Variants in GBP3 observed in about 807,000 individuals in gnomAD.
GBP3 encodes the protein guanylate-binding protein 3.
A neutral mutation model predicts 62.4 loss-of-function variants in GBP3; 55 were observed. The observed-to-expected ratio is 0.88, with a 90% confidence interval of 0.71 to 1.10. GBP3 has a LOEUF of 1.10. Among genes scored for constraint, GBP3 ranks in the 50% least tolerant of loss-of-function variants. The pLI is 0.00. For synonymous variants in GBP3, 208 were observed against 259.2 expected (o/e 0.80, Z 1.90); for missense variants, 605 against 690.6 (o/e 0.88, Z 1.39).
chr1:89,013,935 T>C (rs1678729686), intron 5 of GBP3, 148 bp downstream of exon 5: 4 of 807,938 alleles, frequency 5.0e-6, no homozygotes, highest in Non-Finnish European at 5.7e-6. Flanking sequence ...AAACCTTTTC[T>C]ATTGCTAATA....
In GBP3 at chr1:89,013,273, A is replaced by T; in HGVS notation, c.780T>A (p.Phe260Leu). 6.2e-7 allele frequency: 1 copy of T among 1,614,182 alleles called. No homozygotes were observed. The highest frequency in any genetic ancestry group is 1.1e-5 in the South Asian group (1 of 91,084). Residue 260 changes from phenylalanine to leucine, a missense_variant, in exon 6 of 11, where the codon TTT (phenylalanine) becomes TTA (leucine). By Grantham distance (22) the Phe-to-Leu change is conservative. Around this residue, in one of 3 missense-constraint regions of GBP3, gnomAD observed 308 missense variants for 318.0 expected, o/e 0.97. Transcript: ENST00000370481. The stretch of plus-strand genomic sequence containing the variant: ...AACAGAAGTCTGCTACTTGTTGCAC[A>T]AATTCAGGGTCCAGCTCTTCATCTT... ...KLQDEELDPE[F>L]VQQVADFCSY... is the part of the protein sequence containing the mutation.
intron 1 of GBP3, among the ~76,000 whole-genome samples, chr1:89,022,053 A>T (rs199741137): frequency 1.8e-4 from 3 of 16,448 alleles, no homozygotes; most frequent in Admixed American, 4.2e-4. Flanking sequence ...TCTCTCTCTC[A>T]AAAAAAAAAA....
chr1:89,013,890 C>A, intron 5 of GBP3, 193 bp downstream of exon 5: 1 of 565,008 alleles, frequency 1.8e-6, no homozygotes, highest in South Asian at 2.6e-5. Flanking sequence ...TTTAGATATT[C>A]AGCAAGCATT....
intron 8 of GBP3, 124 bp from the exon 9 acceptor site, chr1:89,009,618 A>G: frequency 2.2e-6 from 3 of 1,369,830 alleles, no homozygotes; most frequent in Non-Finnish European, 3.0e-6. Context: ...CCTGGTGGTC[A>G]AGATTCCCTA....
Position 89,007,553 on chromosome 1 carries a change from A to G in GBP3, c.*171T>C, listed in dbSNP as rs1678286098. On this transcript the variant is annotated 3_prime_UTR_variant, in exon 11 of 11. Coordinates refer to ENST00000370481, the MANE Select transcript of GBP3 (RefSeq NM_018284.3). ...TAAATGCATCTTTGTTGCACAATTT[A>G]CAATCTTTTTAAGGAAAAAACATGA... 1 of 663,850 alleles carries G rather than the reference A, an allele frequency of 1.5e-6. No homozygotes were observed. Among genetic ancestry groups the G allele is most frequent in the African/African-American group, 1.8e-5 (1 of 55,102 alleles). 41.1% of individuals were successfully genotyped at this position (663,850 alleles called of 1,614,324 possible). A position where few individuals can be genotyped will look rare whatever the true frequency, so the allele number is the denominator to read the frequency against.
chr1:89,015,368 C>G lies in GBP3; in HGVS notation c.237G>C (p.Trp79Cys), dbSNP rs542828629. 2 of 1,613,406 alleles carry G rather than the reference C, an allele frequency of 1.2e-6. No individual in the cohort carries two copies. Among genetic ancestry groups the G allele is most frequent in the East Asian group, 4.5e-5 (2 of 44,840 alleles). ...TTTTGGGGTGAGGCACACACCACAT[C>G]CAGATTCCTTTGGTGTGAGATTTCA... ...STVKSHTKGI[W>C]MWCVPHPKKP... The change falls in exon 3 of 11, where the codon TGG (tryptophan) becomes TGC (cysteine). Residue 79 changes from tryptophan (W) to cysteine (C), a missense_variant. Trp to Cys is a radical substitution (Grantham distance 215). Coordinates refer to ENST00000370481, the MANE Select transcript of GBP3 (RefSeq NM_018284.3).
Position 89,016,972 on chromosome 1 carries a change from A to G in GBP3, c.191-1558T>C, listed in dbSNP as rs58310973. On this transcript the variant is annotated intron_variant, in intron 2 of 10. Transcript: ENST00000370481. Reference sequence around the variant, plus strand: ...CAATGCAATCCCTATCAAAATTCCAATGATTTTTTTATAAATAAAAACATC... The same window carrying G: ...CAATGCAATCCCTATCAAAATTCCAGTGATTTTTTTATAAATAAAAACATC... Among the ~76,000 whole-genome samples the G allele has an allele frequency of 5.6e-3, 853 of 152,290 alleles. 5 individuals carry two copies. The highest frequency in any genetic ancestry group is 0.02 in the African/African-American group (825 of 41,552).
chr1:89,008,862 T>G, intron 10 of GBP3, 85 bp downstream of exon 10: 1 of 1,596,892 alleles, frequency 6.3e-7, no homozygotes, highest in Non-Finnish European at 8.5e-7. Context: ...CTGGGCTTTA[T>G]GTTCGCTCTG....
Position 89,020,610 on chromosome 1 carries a change from CA to C in GBP3, c.111del (p.Val38TrpfsTer17). On this transcript the variant is annotated frameshift_variant, in exon 2 of 11. Transcript: ENST00000370481. LOFTEE classifies it high-confidence loss of function. Reference protein sequence around the residue: ...ALKILSAITQPVVVVAIVGLY... With the variant: ...ALKILSAITQXVVVVAIVGLY... ...AGGCCCACAATTGCCACCACCACCA[CA>C]GGCTGTGTAATGGCAGACAGGATTT... The C allele has an allele frequency of 6.2e-7, 1 of 1,614,188 alleles. No individual in the cohort carries two copies. Among genetic ancestry groups the C allele is most frequent in the Non-Finnish European group, 8.5e-7 (1 of 1,180,030 alleles).
chr1:89,022,054 A>C (rs1463192921), intron 1 of GBP3, among the ~76,000 whole-genome samples: 3 of 25,314 alleles, frequency 1.2e-4, no homozygotes, highest in Admixed American at 3.7e-4. Context: ...CTCTCTCTCA[A>C]AAAAAAAAAA....
chr1:89,014,618 G>A lies in GBP3; in HGVS notation c.357C>T (p.Ala119=), dbSNP rs1341030046. The change falls in exon 4 of 11, where the codon GCC becomes GCT. Residue 119 remains alanine, a synonymous_variant. Transcript: ENST00000370481. ...NQNDSWIFTL[A]VLLSSTLVYN... Reference sequence around the variant, plus strand: ...ACACGAGAGTGCTGCTCAGGAGGACGGCCAGGGTGAAGATCCAGGAGTCAT... The same window carrying A: ...ACACGAGAGTGCTGCTCAGGAGGACAGCCAGGGTGAAGATCCAGGAGTCAT... 6.8e-6 allele frequency: 11 copies of A among 1,613,978 alleles called. No homozygotes were observed. Among genetic ancestry groups the A allele is most frequent in the South Asian group, 6.6e-5 (6 of 91,090 alleles).
At chr1:89,008,000 G>T in intron 10 of GBP3, 148 bp from the exon 11 acceptor site, 2 of 711,048 alleles carry the variant, frequency 2.8e-6, no homozygotes, top group Non-Finnish European at 4.3e-6. Flanking sequence ...GTTTTTCTGG[G>T]CATTTGGGCT....
intron 1 of GBP3, among the ~76,000 whole-genome samples, chr1:89,021,788 TGAGA>T (rs146229731): frequency 0.024 from 1,594 of 65,320 alleles, 21 homozygotes; most frequent in East Asian, 0.12. Flanking sequence ...GCTGGAAAGA[TGAGA>T]GAGAGAGAGA....
Position 89,007,633 on chromosome 1 carries a change from C to T in GBP3, c.*91G>A. 1 of 1,200,324 alleles carries T rather than the reference C, an allele frequency of 8.3e-7. No homozygotes were observed. The highest frequency in any genetic ancestry group is 1.5e-5 in the South Asian group (1 of 68,598). The allele number at this position is 1,200,324 out of a possible 1,614,324, so 74.4% of individuals were successfully genotyped here. On this transcript the variant is annotated 3_prime_UTR_variant, in exon 11 of 11. Coordinates refer to ENST00000370481, the MANE Select transcript of GBP3 (RefSeq NM_018284.3). Reference sequence around the variant, plus strand: ...AACTTTTAGTGTTATGATGCAAGATCTAATTATTATCAAATATAGTGACAC... The same window carrying T: ...AACTTTTAGTGTTATGATGCAAGATTTAATTATTATCAAATATAGTGACAC...
At chr1:89,021,826 A>G (rs1286527288) in intron 1 of GBP3, among the ~76,000 whole-genome samples, 7 of 116,876 alleles carry the variant, frequency 6.0e-5, no homozygotes, top group Admixed American at 5.3e-4. Flanking sequence ...AGAGAGAGAG[A>G]GAGAGAAAGT....
chr1:89,013,514 G>A, intron 5 of GBP3, 87 bp from the exon 6 acceptor site: 1 of 1,377,958 alleles, frequency 7.3e-7, no homozygotes, highest in Non-Finnish European at 9.8e-7. Context: ...TGCAGGCTAG[G>A]TGGTCTCTTT....
chr1:89,009,284 A>G, intron 9 of GBP3, 108 bp downstream of exon 9: 1 of 1,417,998 alleles, frequency 7.1e-7, no homozygotes, highest in South Asian at 1.3e-5. Context: ...GCTTTAGTTT[A>G]TGGAACTTAG....
In GBP3 at chr1:89,014,674, C is replaced by T. The variant is rs1473338150; in HGVS notation, c.319-18G>A. On this transcript the variant is annotated intron_variant, in intron 3 of 10. Coordinates refer to ENST00000370481, the MANE Select transcript of GBP3 (RefSeq NM_018284.3). ...TTGTCACCCTGGAAGTCAAGACACA[C>T]TGGAGTCAGGAGCAAGTTTCATCAT... is the stretch of plus-strand genomic sequence containing the variant. 2 of 1,613,812 alleles carry T rather than the reference C, an allele frequency of 1.2e-6. No homozygotes were observed. Among genetic ancestry groups the T allele is most frequent in the Non-Finnish European group, 1.7e-6 (2 of 1,179,850 alleles).
At chr1:89,014,342 C>T in intron 4 of GBP3, 63 bp from the exon 5 acceptor site, 1 of 1,611,438 alleles carries the variant, frequency 6.2e-7, no homozygotes, top group Non-Finnish European at 8.5e-7. Flanking sequence ...ATTAGTTCAA[C>T]ACATTCCCAA....
Sources: gnomAD v4.1 joint callset for allele counts (sites outside exome capture counted in the v4.1 genomes callset) on GRCh38, gnomAD v4.1.1 for gene constraint, gnomAD v4.1.1 regional missense constraint, MANE v1.5 for transcripts, NCBI Gene and HGNC (gene_info 2026-07-23, HGNC 2026-07-21) for gene names.